Variants in PSMG2 observed in about 807,000 individuals in gnomAD.
The protein encoded by PSMG2 is proteasome assembly chaperone 2.
PSMG2 carries 21 observed loss-of-function variants against 31.5 expected under a neutral mutation model. That is an observed-to-expected ratio of 0.67 (90% CI 0.47 to 0.96). The LOEUF (loss-of-function observed/expected upper bound fraction) is 0.96, where lower values mean the gene tolerates loss of function less well. PSMG2 is among the 40% of genes least tolerant of loss of function. The pLI, the probability that PSMG2 is intolerant of heterozygous loss-of-function variation, is 0.00. For synonymous variants in PSMG2, 120 were observed against 110.4 expected, an observed-to-expected ratio of 1.09 and a Z score of -0.54; for missense variants, 318 against 321.2, an observed-to-expected ratio of 0.99 and a Z score of 0.08.
chr18:12,690,868 C>T (rs1250038243), intron 1 of PSMG2, among the ~76,000 whole-genome samples: 2 of 152,052 alleles, frequency 1.3e-5, no homozygotes, highest in African/African-American at 4.8e-5. Flanking sequence ...CATTACTGGT[C>T]ACTGGCTTAG....
chr18:12,698,997 C>T (rs1231129169), upstream of PSMG2: 7 of 1,612,134 alleles, frequency 4.3e-6, no homozygotes, highest in Admixed American at 8.3e-5. Flanking sequence ...TCTCTGTGTA[C>T]TTCAAGTAAA....
At chr18:12,677,038 T>G (rs973488707) in intron 1 of PSMG2, among the ~76,000 whole-genome samples, 2 of 152,246 alleles carry the variant, frequency 1.3e-5, no homozygotes, top group African/African-American at 4.8e-5. Context: ...CTTCAATCTC[T>G]TAATGTCTTC....
chr18:12,699,914 G>T, upstream of PSMG2: 1 of 1,549,438 alleles, frequency 6.5e-7, no homozygotes, highest in Non-Finnish European at 8.7e-7. Context: ...TCCTAGAAAG[G>T]CAGGAAAAAA....
At chr18:12,686,433 A>G (rs1324899793) in intron 1 of PSMG2, 1 of 1,609,734 alleles carries the variant, frequency 6.2e-7, no homozygotes, top group Non-Finnish European at 8.5e-7. Flanking sequence ...AGACTGGTCT[A>G]TTTATCCCAT....
intron 6 of PSMG2, 106 bp downstream of exon 6, chr18:12,724,725 T>G: frequency 8.7e-7 from 1 of 1,151,842 alleles, no homozygotes; most frequent in Non-Finnish European, 1.1e-6. Flanking sequence ...TTGTATTAAA[T>G]ATAGACATAT....
upstream of PSMG2, chr18:12,701,185 TTC>T: frequency 8.8e-7 from 1 of 1,142,196 alleles, no homozygotes; most frequent in Non-Finnish European, 1.3e-6. Context: ...AGTTTTAAGG[TTC>T]TCCAGCTAAC....
chr18:12,698,307 C>T (rs2040032133), upstream of PSMG2, among the ~76,000 whole-genome samples: 1 of 152,014 alleles, frequency 6.6e-6, no homozygotes. Context: ...CGGCTCATTA[C>T]ACGCGCCTGC....
At chr18:12,709,782 G>C (rs2145137214) in intron 2 of PSMG2, among the ~76,000 whole-genome samples, 1 of 151,942 alleles carries the variant, frequency 6.6e-6, no homozygotes, top group South Asian at 2.1e-4. Context: ...TTACAGGCGT[G>C]AGCCACCACG....
intron 2 of PSMG2, among the ~76,000 whole-genome samples, chr18:12,710,164 C>T (rs1371827279): frequency 6.6e-6 from 1 of 150,596 alleles, no homozygotes; most frequent in Non-Finnish European, 1.5e-5. Context: ...GGATGGTCTC[C>T]ATCTGCTGAC....
intron 5 of PSMG2, among the ~76,000 whole-genome samples, chr18:12,723,169 G>A (rs1397123088): frequency 2.0e-5 from 3 of 152,146 alleles, no homozygotes; most frequent in East Asian, 3.9e-4. Flanking sequence ...CTTAGAACTC[G>A]GCTCACTTTT....
chr18:12,689,166 A>G (rs2039655819), intron 1 of PSMG2, among the ~76,000 whole-genome samples: 1 of 152,132 alleles, frequency 6.6e-6, no homozygotes, highest in Admixed American at 6.5e-5. Flanking sequence ...TACATTAGAA[A>G]TTTTTTTGGC....
At chr18:12,699,915 C>G (rs1210759495), upstream of PSMG2, 2 of 1,534,556 alleles carry the variant, frequency 1.3e-6, no homozygotes, top group African/African-American at 1.4e-5. Context: ...CCTAGAAAGG[C>G]AGGAAAAAAA....
intron 1 of PSMG2, among the ~76,000 whole-genome samples, chr18:12,683,901 AAG>A (rs1034313165): frequency 6.6e-6 from 1 of 151,830 alleles, no homozygotes; most frequent in Admixed American, 6.6e-5. Context: ...AAAATATAAA[AAG>A]AAATAATAAA....
chr18:12,724,703 G>C, intron 6 of PSMG2, 84 bp downstream of exon 6: 1 of 1,262,152 alleles, frequency 7.9e-7, no homozygotes, highest in Non-Finnish European at 1.0e-6. Flanking sequence ...AGTAGACCAA[G>C]TAAGTGAACG....
At chr18:12,659,397 G>A (rs182548409) in intron 1 of PSMG2, among the ~76,000 whole-genome samples, 1 of 152,344 alleles carries the variant, frequency 6.6e-6, no homozygotes, top group African/African-American at 2.4e-5. Flanking sequence ...GCCGTGCGCA[G>A]TGGCTTAGGC....
At chr18:12,667,791 A>G (rs1280039943) in intron 1 of PSMG2, among the ~76,000 whole-genome samples, 1 of 150,508 alleles carries the variant, frequency 6.6e-6, no homozygotes, top group Non-Finnish European at 1.5e-5. Flanking sequence ...AAGAAAAGAA[A>G]ATATAATATT....
chr18:12,668,978 G>T (rs2038869010), intron 1 of PSMG2, among the ~76,000 whole-genome samples: 2 of 144,294 alleles, frequency 1.4e-5, no homozygotes, highest in African/African-American at 5.2e-5. Flanking sequence ...TGATCCAGGT[G>T]ATCTGCCTGC....
intron 2 of PSMG2, 70 bp downstream of exon 2, chr18:12,706,791 T>C: frequency 2.7e-6 from 4 of 1,459,020 alleles, no homozygotes; most frequent in Non-Finnish European, 3.7e-6. Flanking sequence ...ATAGACTTTA[T>C]TGATAATTGT....
chr18:12,701,184 G>T, upstream of PSMG2: 1 of 1,151,014 alleles, frequency 8.7e-7, no homozygotes, highest in Non-Finnish European at 1.3e-6. Context: ...AAGTTTTAAG[G>T]TTCTCCAGCT....
Sources: gnomAD v4.1 joint callset for allele counts (sites outside exome capture counted in the v4.1 genomes callset) on GRCh38, gnomAD v4.1.1 for gene constraint, MANE v1.5 for transcripts, NCBI Gene and HGNC (gene_info 2026-07-23, HGNC 2026-07-21) for gene names.